The following CSMD1 variants were observed in gnomAD, a reference collection of about 807,000 sequenced individuals.
CSMD1 encodes the protein CUB and Sushi multiple domains 1, also known as CUB and sushi domain-containing protein 1.
Under a neutral mutation model 417.5 loss-of-function variants are expected in CSMD1, and 213 were observed. That is an observed-to-expected ratio of 0.51 (90% confidence interval 0.46 to 0.57). The LOEUF (loss-of-function observed/expected upper bound fraction) is 0.57. Ranked by LOEUF, CSMD1 falls within the 20% of genes least tolerant of loss-of-function variation. CSMD1 has a pLI of 0.00. For missense variants in CSMD1, 6,923 were observed against 4,529.7 expected, an observed-to-expected ratio of 1.53 and a Z score of -15.17; for synonymous variants, 2,862 against 1,736.8, an observed-to-expected ratio of 1.65 and a Z score of -16.11.
At chr8:3,664,831 A>G (rs1798601360) in intron 7 of CSMD1, among the ~76,000 whole-genome samples, 1 of 152,150 alleles carries the variant, frequency 6.6e-6, no homozygotes, top group African/African-American at 2.4e-5. Context: ...AAAATAGCTA[A>G]AAGTTTAGCA....
At chr8:3,908,259 G>A (rs997014262) in intron 5 of CSMD1, among the ~76,000 whole-genome samples, 1 of 84,804 alleles carries the variant, frequency 1.2e-5, no homozygotes, top group Non-Finnish European at 3.0e-5. Context: ...TGAGAAAGCT[G>A]AGTCAGGTTC....
intron 5 of CSMD1, among the ~76,000 whole-genome samples, chr8:3,780,064 A>C (rs968762929): frequency 6.6e-6 from 1 of 152,216 alleles, no homozygotes; most frequent in African/African-American, 2.4e-5. Flanking sequence ...AACATTCTTT[A>C]AAATTCTTTA....
chr8:4,127,185 T>A (rs946641292), intron 3 of CSMD1, among the ~76,000 whole-genome samples: 1 of 152,100 alleles, frequency 6.6e-6, no homozygotes, highest in Non-Finnish European at 1.5e-5. Flanking sequence ...GTTCCTGCTA[T>A]CCCTGGAGGT....
intron 26 of CSMD1, among the ~76,000 whole-genome samples, chr8:3,281,723 A>C (rs2117220685): frequency 6.6e-6 from 1 of 152,312 alleles, no homozygotes; most frequent in African/African-American, 2.4e-5. Context: ...AGGGCAGGGA[A>C]ATGACTGTTG....
chr8:3,451,219 T>C (rs1383077744), intron 12 of CSMD1, among the ~76,000 whole-genome samples: 2 of 152,218 alleles, frequency 1.3e-5, no homozygotes, highest in Non-Finnish European at 2.9e-5. Context: ...ATATTAGCCC[T>C]TTGTCAGATG....
At chr8:3,437,958 C>A (rs1814683403) in intron 12 of CSMD1, among the ~76,000 whole-genome samples, 2 of 152,056 alleles carry the variant, frequency 1.3e-5, no homozygotes, top group African/African-American at 4.8e-5. Flanking sequence ...CCAGGCTCAT[C>A]TCGAACTGCT....
intron 3 of CSMD1, among the ~76,000 whole-genome samples, chr8:4,064,876 T>C (rs577620573): frequency 5.8e-4 from 88 of 152,224 alleles, no homozygotes; most frequent in African/African-American, 2.0e-3. Context: ...TGTGTGTATC[T>C]ACATGGGTTT....
chr8:3,369,299 T>C lies in CSMD1; in HGVS notation c.2854A>G (p.Asn952Asp). The change falls in exon 19 of 70, where the codon AAC becomes GAC. Residue 952 changes from asparagine (N) to aspartate (D), a missense_variant. Asn to Asp is a conservative substitution (Grantham distance 23, BLOSUM62 1). Transcript: ENST00000635120. ...LSPGFPDFYP[N>D]SLNCTWTIEV... ...ATGGTCCACGTGCAGTTTAGAGAGTTTGGATAAAAATCTGGAAACCCAGGA... is the reference window on the plus strand; with the variant it reads ...ATGGTCCACGTGCAGTTTAGAGAGTCTGGATAAAAATCTGGAAACCCAGGA... The C allele has an allele frequency of 6.2e-7, 1 of 1,607,550 alleles. No individual in the cohort carries two copies. Among genetic ancestry groups the C allele is most frequent in the Non-Finnish European group, 8.5e-7 (1 of 1,174,464 alleles).
At chr8:4,315,216 G>A (rs1183948857) in intron 3 of CSMD1, among the ~76,000 whole-genome samples, 1 of 152,156 alleles carries the variant, frequency 6.6e-6, no homozygotes, top group African/African-American at 2.4e-5. Context: ...GGCACTTTCT[G>A]CTCAAAGGAA....
intron 2 of CSMD1, among the ~76,000 whole-genome samples, chr8:4,455,583 A>C (rs774901206): frequency 8.5e-5 from 13 of 152,058 alleles, no homozygotes; most frequent in Non-Finnish European, 1.6e-4. Context: ...GATCAAATTG[A>C]CAAATTGTGA....
chr8:3,488,132 T>C (rs1818164952), intron 11 of CSMD1, among the ~76,000 whole-genome samples: 1 of 151,980 alleles, frequency 6.6e-6, no homozygotes, highest in Non-Finnish European at 1.5e-5. Context: ...AAATAGTGTC[T>C]TGCTCTGTTG....
chr8:4,732,375 G>GTC (rs199499722), intron 1 of CSMD1, among the ~76,000 whole-genome samples: 7,065 of 150,226 alleles, frequency 0.047, 213 homozygotes, highest in African/African-American at 0.055. Flanking sequence ...GTGTGTGTGT[G>GTC]TGTGTGTAGT....
At chr8:4,817,860 T>C (rs946423641) in intron 1 of CSMD1, among the ~76,000 whole-genome samples, 1 of 152,174 alleles carries the variant, frequency 6.6e-6, no homozygotes, top group Admixed American at 6.5e-5. Context: ...TGAAAATAGT[T>C]AATGATATGA....
chr8:4,399,753 G>A (rs983038974), intron 3 of CSMD1, among the ~76,000 whole-genome samples: 2 of 152,196 alleles, frequency 1.3e-5, no homozygotes, highest in South Asian at 2.1e-4. Context: ...TATACATCAG[G>A]CTCCTGAATT....
intron 2 of CSMD1, among the ~76,000 whole-genome samples, chr8:4,433,467 C>T (rs934327491): frequency 1.3e-5 from 2 of 152,166 alleles, no homozygotes; most frequent in African/African-American, 2.4e-5. Context: ...GGTCAACGCA[C>T]TGGCTATCTG....
intron 3 of CSMD1, among the ~76,000 whole-genome samples, chr8:4,041,281 T>G (rs879676453): frequency 7.2e-6 from 1 of 139,624 alleles, no homozygotes; most frequent in African/African-American, 2.7e-5. Context: ...CCTCCCAAAG[T>G]ACGGGGATTA....
intron 3 of CSMD1, among the ~76,000 whole-genome samples, chr8:4,179,309 C>G (rs894986750): frequency 1.4e-4 from 22 of 152,128 alleles, no homozygotes; most frequent in Admixed American, 2.0e-4. Context: ...ACAAACCTGA[C>G]AAAACCAAGC....
At chr8:4,564,156 G>C (rs1056716694) in intron 2 of CSMD1, among the ~76,000 whole-genome samples, 4 of 152,188 alleles carry the variant, frequency 2.6e-5, no homozygotes, top group African/African-American at 7.2e-5. Flanking sequence ...AAAAGGTTCA[G>C]AAGATAATGG....
chr8:4,149,318 G>T (rs1410259644), intron 3 of CSMD1, among the ~76,000 whole-genome samples: 1 of 152,022 alleles, frequency 6.6e-6, no homozygotes, highest in Non-Finnish European at 1.5e-5. Flanking sequence ...TATTCACTGA[G>T]AATTTTTAAA....
Sources: allele counts gnomAD v4.1 joint callset (sites outside exome capture counted in the v4.1 genomes callset), GRCh38; gene constraint gnomAD v4.1.1; transcripts MANE v1.5; gene names NCBI Gene and HGNC (gene_info 2026-07-23, HGNC 2026-07-21).